NLRP1: variants seen among roughly 807,000 people sequenced by gnomAD.
The protein encoded by NLRP1 is NACHT, LRR and PYD domains-containing protein 1.
A neutral mutation model predicts 136.7 loss-of-function variants in NLRP1; 94 were observed. That is an observed-to-expected ratio of 0.69 (90% CI 0.58 to 0.82). The LOEUF is 0.82. Ranked by LOEUF, NLRP1 falls within the 40% of genes least tolerant of loss-of-function variation. The probability of loss-of-function intolerance (pLI) is 0.00; values close to 1 mark genes in which losing one functional copy is unlikely to be tolerated. For synonymous variants in NLRP1, 690 were observed against 725.1 expected, an observed-to-expected ratio of 0.95 and a Z score of 0.78; for missense variants, 1,575 against 1,802.7, an observed-to-expected ratio of 0.87 and a Z score of 2.29.
intron 12 of NLRP1, among the ~76,000 whole-genome samples, chr17:5,524,598 T>A (rs1909301907): frequency 6.6e-6 from 1 of 152,258 alleles, no homozygotes; most frequent in African/African-American, 2.4e-5. Context: ...TGCGTTGCCA[T>A]CACTGGCACT....
chr17:5,517,948 C>A, intron 14 of NLRP1, 61 bp from the exon 15 acceptor site: 1 of 1,569,372 alleles, frequency 6.4e-7, no homozygotes. Flanking sequence ...TCTTTCCCCA[C>A]CTGACACCTT....
intron 3 of NLRP1, among the ~76,000 whole-genome samples, chr17:5,572,498 C>G (rs973748961): frequency 6.6e-6 from 1 of 152,090 alleles, no homozygotes; most frequent in Non-Finnish European, 1.5e-5. Flanking sequence ...GGACAGATCA[C>G]TTGAGGTGAG....
chr17:5,501,491 G>A (rs1434753405), exon 16 of NLRP1: 1 of 223,038 alleles, frequency 4.5e-6, no homozygotes, highest in African/African-American at 2.3e-5. Context: ...GGCAAAATCA[G>A]TAGTAAAATA....
chr17:5,521,067 T>A, intron 13 of NLRP1, 55 bp from the exon 14 acceptor site: 1 of 1,518,120 alleles, frequency 6.6e-7, no homozygotes, highest in South Asian at 1.3e-5. Flanking sequence ...TGGAATGTGG[T>A]TTGAATAGGG....
At chr17:5,527,022 G>A (rs983896010) in intron 12 of NLRP1, among the ~76,000 whole-genome samples, 1 of 152,232 alleles carries the variant, frequency 6.6e-6, no homozygotes, top group African/African-American at 2.4e-5. Context: ...GCAATGAACA[G>A]CTGCAGCCCA....
At chr17:5,506,683 G>C (rs1907350608) in intron 15 of NLRP1, among the ~76,000 whole-genome samples, 1 of 151,672 alleles carries the variant, frequency 6.6e-6, no homozygotes, top group South Asian at 2.1e-4. Context: ...CCTGAGGTCA[G>C]GAGTTTGAGA....
intron 3 of NLRP1, among the ~76,000 whole-genome samples, chr17:5,568,930 C>A (rs1273885238): frequency 6.6e-6 from 1 of 152,038 alleles, no homozygotes; most frequent in Non-Finnish European, 1.5e-5. Context: ...CACCTAAAGC[C>A]ACCTTTAACC....
At chr17:5,501,918 T>C in intron 15 of NLRP1, 1 of 1,559,480 alleles carries the variant, frequency 6.4e-7, no homozygotes, top group Non-Finnish European at 8.8e-7. Flanking sequence ...TGAGTCCCAG[T>C]AGATTGGAGA....
chr17:5,582,799 A>G lies in NLRP1; in HGVS notation c.319T>C (p.Ser107Pro), dbSNP rs1567675373. 1.9e-6 allele frequency: 3 copies of G among 1,613,646 alleles called. No individual in the cohort carries two copies. Among genetic ancestry groups the G allele is most frequent in the Non-Finnish European group, 2.5e-6 (3 of 1,179,820 alleles). Residue 107 changes from serine (S) to proline (P), a missense_variant, in exon 2 of 17, where the codon TCT becomes CCT. By Grantham distance (74) the Ser-to-Pro change is moderately conservative. Transcript: ENST00000572272. ...PYSPSEPHLGSPSQPTSTAVL... is the reference protein window; with the variant it reads ...PYSPSEPHLGPPSQPTSTAVL... The stretch of plus-strand genomic sequence containing the variant: ...GCGGTGGAGGTGGGTTGGCTGGGAG[A>G]CCCCAGGTGGGGTTCACTTGGGCTG...
At chr17:5,558,067 A>G (rs1356691988) in intron 4 of NLRP1, among the ~76,000 whole-genome samples, 1 of 152,108 alleles carries the variant, frequency 6.6e-6, no homozygotes, top group Non-Finnish European at 1.5e-5. Context: ...ATGGACGGTC[A>G]TTCTAAGGGT....
intron 5 of NLRP1, among the ~76,000 whole-genome samples, chr17:5,543,057 T>C (rs1912087461): frequency 6.6e-6 from 1 of 152,196 alleles, no homozygotes; most frequent in African/African-American, 2.4e-5. Context: ...CTTCAACCCC[T>C]GACCTCAGGT....
At chr17:5,506,648 T>G (rs1425899021) in intron 15 of NLRP1, among the ~76,000 whole-genome samples, 1 of 151,778 alleles carries the variant, frequency 6.6e-6, no homozygotes, top group Non-Finnish European at 1.5e-5. Context: ...TCCCAGCACT[T>G]TGGGAAGCCG....
intron 11 of NLRP1, 89 bp downstream of exon 11, chr17:5,532,732 TA>T (rs1910465065): frequency 1.7e-6 from 2 of 1,169,396 alleles, no homozygotes; most frequent in Non-Finnish European, 2.3e-6. Context: ...GAGTTGGGGG[TA>T]GGGGGTGGCG....
Position 5,515,496 on chromosome 17 carries a change from G to A in NLRP1, c.4079C>T (p.Thr1360Ile), listed in dbSNP as rs1907984401. 1 of 1,613,650 alleles carries A rather than the reference G, an allele frequency of 6.2e-7. No homozygotes were observed. Among genetic ancestry groups the A allele is most frequent in the South Asian group, 1.1e-5 (1 of 91,070 alleles). The change falls in exon 16 of 17, where the codon ACT becomes ATT. Residue 1360 changes from threonine to isoleucine, a missense_variant. Physicochemically the swap from Thr to Ile is moderately conservative, Grantham distance 89. Transcript: ENST00000572272. ...VKPGDLMPAT[T>I]LIPPARIAVP... ...ACCTATGCGGGCTGGAGGGATCAGA[G>A]TAGTTGCAGGCATGAGATCTCCTGG...
chr17:5,557,348 G>A (rs1174265118), intron 4 of NLRP1, among the ~76,000 whole-genome samples: 1 of 151,450 alleles, frequency 6.6e-6, no homozygotes, highest in East Asian at 1.9e-4. Flanking sequence ...GAATTTTATT[G>A]TGAGAAAAAG....
intron 3 of NLRP1, among the ~76,000 whole-genome samples, chr17:5,567,555 G>C (rs551674825): frequency 2.7e-4 from 41 of 151,980 alleles, no homozygotes; most frequent in Non-Finnish European, 5.4e-4. Flanking sequence ...TATTATTTTT[G>C]ATTGGTTCAT....
Position 5,559,120 on chromosome 17 carries a change from C to A in NLRP1, c.1576G>T (p.Ala526Ser). 6.2e-7 allele frequency: 1 copy of A among 1,614,146 alleles called. No homozygotes were observed. Among genetic ancestry groups the A allele is most frequent in the Non-Finnish European group, 8.5e-7 (1 of 1,180,024 alleles). Residue 526 changes from alanine (A) to serine (S), a missense_variant, in exon 4 of 17, where the codon GCC becomes TCC. By Grantham distance (99) the Ala-to-Ser change is moderately conservative. Coordinates refer to ENST00000572272, the MANE Select transcript of NLRP1 (RefSeq NM_033004.4). ...ATCTGCTGCATCAGGCAAGTGCAGG[C>A]CAGCCAGGACACCCAGGGCACAAGA... Reference protein sequence around the residue: ...LCLVPWVSWLACTCLMQQMKR... With the variant: ...LCLVPWVSWLSCTCLMQQMKR...
chr17:5,553,240 T>C (rs1913597201), intron 5 of NLRP1, 146 bp downstream of exon 5: 1 of 679,492 alleles, frequency 1.5e-6, no homozygotes, highest in Admixed American at 3.4e-5. Flanking sequence ...ATCCTATCTG[T>C]GTTTGTTTAC....
chr17:5,558,153 A>C lies in NLRP1; in HGVS notation c.2357+186T>G, dbSNP rs115029886. Among the ~76,000 whole-genome samples the C allele has an allele frequency of 9.8e-3, 1,485 of 152,192 alleles. 27 individuals are homozygous for C. The highest frequency in any genetic ancestry group is 0.033 in the African/African-American group (1,359 of 41,538). ...AGCAGGGCCTGCCCCACAGCCGGGCACTGCAGAGGAGCTTAGGTAGACAGA... is the reference window on the plus strand; with the variant it reads ...AGCAGGGCCTGCCCCACAGCCGGGCCCTGCAGAGGAGCTTAGGTAGACAGA... On this transcript the variant is annotated intron_variant, in intron 4 of 16. Transcript: ENST00000572272.
Sources: allele counts gnomAD v4.1 joint callset (sites outside exome capture counted in the v4.1 genomes callset), GRCh38; gene constraint gnomAD v4.1.1; transcripts MANE v1.5; gene names NCBI Gene and HGNC (gene_info 2026-07-23, HGNC 2026-07-21).